SOX6: variants seen among roughly 807,000 people sequenced by gnomAD.
SOX6 encodes transcription factor SOX-6.
Under a neutral mutation model 97.8 loss-of-function variants are expected in SOX6, and 11 were observed. The observed-to-expected ratio is 0.11, with a 90% CI of 0.07 to 0.19. The LOEUF (loss-of-function observed/expected upper bound fraction) is 0.19. Among genes scored for constraint, SOX6 ranks in the 10% least tolerant of loss-of-function variants. SOX6 has a pLI of 1.00. For missense variants in SOX6, 810 were observed against 1,039.5 expected, an observed-to-expected ratio of 0.78 and a Z score of 3.04; for synonymous variants, 360 against 371.4, an observed-to-expected ratio of 0.97 and a Z score of 0.35.
chr11:16,270,654 AACAC>A (rs57034455), intron 3 of SOX6, among the ~76,000 whole-genome samples: 1 of 149,274 alleles, frequency 6.7e-6, no homozygotes, highest in Non-Finnish European at 1.5e-5. Context: ...CACACACACA[AACAC>A]ACACACACAC....
At chr11:16,325,425 T>A (rs2134314471) in intron 2 of SOX6, among the ~76,000 whole-genome samples, 1 of 152,272 alleles carries the variant, frequency 6.6e-6, no homozygotes, top group South Asian at 2.1e-4. Flanking sequence ...CCTTTTTTGC[T>A]TATCTGTGTT....
At chr11:16,709,426 G>A (rs1330555575) in intron 3 of SOX6, among the ~76,000 whole-genome samples, 5 of 152,092 alleles carry the variant, frequency 3.3e-5, no homozygotes, top group Admixed American at 1.3e-4. Context: ...GCTGAGGCAC[G>A]AGAATCACTT....
intron 4 of SOX6, among the ~76,000 whole-genome samples, chr11:16,203,159 A>G (rs1851984287): frequency 6.6e-6 from 1 of 152,164 alleles, no homozygotes; most frequent in African/African-American, 2.4e-5. Flanking sequence ...TTAAATCACT[A>G]CAACCCAATG....
At chr11:16,152,832 T>C (rs1184677283) in intron 6 of SOX6, among the ~76,000 whole-genome samples, 1 of 151,710 alleles carries the variant, frequency 6.6e-6, no homozygotes, top group Non-Finnish European at 1.5e-5. Flanking sequence ...GCCTCCCGAG[T>C]AGCTGGGATT....
chr11:16,111,307 C>T (rs2133994109), intron 7 of SOX6, among the ~76,000 whole-genome samples: 1 of 152,304 alleles, frequency 6.6e-6, no homozygotes, highest in South Asian at 2.1e-4. Context: ...TTAAAAAGTA[C>T]TGAATACTTC....
intron 4 of SOX6, among the ~76,000 whole-genome samples, chr11:16,201,485 TAAAC>T (rs1158445964): frequency 6.6e-5 from 10 of 150,790 alleles, no homozygotes; most frequent in African/African-American, 9.7e-5. Flanking sequence ...AAACTCATAA[TAAAC>T]AAATATATAA....
In SOX6 at chr11:16,409,379, T is replaced by C. The variant is rs77519739; in HGVS notation, c.-5+66936A>G. On this transcript the variant is annotated intron_variant, in intron 1 of 15. Coordinates refer to the SOX6 transcript ENST00000396356. Reference sequence around the variant, plus strand: ...TCTTTAAAGATAAAAATATTTTTCCTCCCAGTTAACAGCTTTAACATAAAT... The same window carrying C: ...TCTTTAAAGATAAAAATATTTTTCCCCCCAGTTAACAGCTTTAACATAAAT... Among the ~76,000 whole-genome samples the C allele has an allele frequency of 7.6e-4, 115 of 151,990 alleles. 3 individuals are homozygous for C. In the East Asian group the frequency reaches 0.02, roughly 27 times the overall value.
At chr11:16,455,623 G>C (rs927745535) in intron 1 of SOX6, among the ~76,000 whole-genome samples, 2 of 151,970 alleles carry the variant, frequency 1.3e-5, no homozygotes, top group Admixed American at 6.6e-5. Context: ...TTAAGGAGCA[G>C]GATCTTTCCA....
chr11:16,539,575 A>C (rs1299708039), intron 4 of SOX6, among the ~76,000 whole-genome samples: 5 of 152,176 alleles, frequency 3.3e-5, no homozygotes, highest in African/African-American at 1.2e-4. Flanking sequence ...GACCACTAGC[A>C]AGACTAATAA....
At chr11:16,265,707 G>C (rs1458599499) in intron 3 of SOX6, among the ~76,000 whole-genome samples, 1 of 151,818 alleles carries the variant, frequency 6.6e-6, no homozygotes, top group African/African-American at 2.4e-5. Context: ...TGCTAAGCTA[G>C]TAGAAAGATG....
chr11:16,725,670 G>A (rs1848301427), intron 2 of SOX6, among the ~76,000 whole-genome samples: 1 of 151,994 alleles, frequency 6.6e-6, no homozygotes, highest in Non-Finnish European at 1.5e-5. Flanking sequence ...AGGAGGGATG[G>A]CTAACAGGTG....
chr11:16,070,737 G>A (rs1848203616), intron 9 of SOX6, among the ~76,000 whole-genome samples: 1 of 152,046 alleles, frequency 6.6e-6, no homozygotes, highest in Non-Finnish European at 1.5e-5. Context: ...GCAGAGCCAG[G>A]AGAACTTCTC....
chr11:16,440,059 AC>A (rs1284240323), intron 1 of SOX6, among the ~76,000 whole-genome samples: 2 of 152,242 alleles, frequency 1.3e-5, no homozygotes, highest in East Asian at 1.9e-4. Context: ...GAATAAAAAA[AC>A]ATAACCTCGA....
chr11:16,579,399 A>G (rs1848010798), intron 4 of SOX6, among the ~76,000 whole-genome samples: 1 of 151,940 alleles, frequency 6.6e-6, no homozygotes, highest in Non-Finnish European at 1.5e-5. Flanking sequence ...CAAGCTATAA[A>G]ACATCCCCAG....
At chr11:16,379,014 A>T (rs901127797) in intron 1 of SOX6, among the ~76,000 whole-genome samples, 2 of 152,142 alleles carry the variant, frequency 1.3e-5, no homozygotes, top group African/African-American at 2.4e-5. Context: ...CCCACTTTAC[A>T]TATAAGGAAA....
At chr11:16,150,747 T>C (rs952571406) in intron 6 of SOX6, among the ~76,000 whole-genome samples, 1 of 152,188 alleles carries the variant, frequency 6.6e-6, no homozygotes, top group Non-Finnish European at 1.5e-5. Flanking sequence ...GCCATTTTTT[T>C]GCATCATTAA....
intron 13 of SOX6, among the ~76,000 whole-genome samples, chr11:16,007,771 G>C (rs565655804): frequency 6.6e-6 from 1 of 152,050 alleles, no homozygotes; most frequent in Non-Finnish European, 1.5e-5. Context: ...CAAATATGTC[G>C]GACAGAACTC....
chr11:16,689,893 C>G (rs145177763), intron 3 of SOX6, among the ~76,000 whole-genome samples: 1 of 150,240 alleles, frequency 6.7e-6, no homozygotes, highest in East Asian at 1.9e-4. Context: ...GATTTTGTCA[C>G]CAAGGTTATA....
chr11:16,012,683 G>C (rs1257419079), intron 13 of SOX6, among the ~76,000 whole-genome samples: 1 of 151,976 alleles, frequency 6.6e-6, no homozygotes, highest in Admixed American at 6.6e-5. Context: ...CATAAACAGT[G>C]GGGGCAGTAT....
Sources: gnomAD v4.1 joint callset for allele counts (sites outside exome capture counted in the v4.1 genomes callset) on GRCh38, gnomAD v4.1.1 for gene constraint, MANE v1.5 for transcripts, NCBI Gene and HGNC (gene_info 2026-07-23, HGNC 2026-07-21) for gene names.